GDF1: variants seen among roughly 807,000 people sequenced by gnomAD.
GDF1 encodes the protein growth differentiation factor 1, also known as embryonic growth/differentiation factor 1.
A neutral mutation model predicts 7.4 loss-of-function variants in GDF1; 8 were observed. The ratio of observed to expected loss-of-function variants is 1.09; its 90% CI spans 0.64 to 1.96. GDF1 has a LOEUF of 1.96. Among genes scored for constraint, GDF1 ranks in the 30% most tolerant of loss-of-function variants. The pLI is 0.00. For missense variants in GDF1, 574 were observed against 551.5 expected (o/e 1.04, Z -0.41); for synonymous variants, 311 against 276.7 (o/e 1.12, Z -1.23).
At chr19:18,869,888 C>T (rs1045801330) in intron 7 of GDF1, 95 bp downstream of exon 7, 2 of 1,270,134 alleles carry the variant, frequency 1.6e-6, no homozygotes, top group Non-Finnish European at 2.2e-6. Flanking sequence ...GGTGGGGACC[C>T]TCGGAGCTGC....
chr19:18,878,601 C>T lies in GDF1; in HGVS notation c.-313+329G>A. 2 of 1,141,782 alleles carry T rather than the reference C, an allele frequency of 1.8e-6. No homozygotes were observed. The highest frequency in any genetic ancestry group is 4.5e-5 in the South Asian group (2 of 43,960). The allele number at this position is 1,141,782 out of a possible 1,614,324, so 70.7% of individuals were successfully genotyped here. A position where few individuals can be genotyped will look rare whatever the true frequency, so the allele number is the denominator to read the frequency against. On this transcript the variant is annotated intron_variant, in intron 6 of 7. Transcript: ENST00000247005. This position sits in a 1 kb window ranked among gnomAD's most constrained non-coding sequence, Gnocchi z 4.6. Reference sequence around the variant, plus strand: ...GGTCGTCATCCAGGCTGGCCAGCAACTACTCCTCACCACCCACAGGGCCCT... The same window carrying T: ...GGTCGTCATCCAGGCTGGCCAGCAATTACTCCTCACCACCCACAGGGCCCT...
At position 18,870,215 on chromosome 19, in the gene GDF1, C is replaced by T. The variant is rs1016588989; in HGVS notation, c.93G>A (p.Val31=). The T allele has an allele frequency of 2.6e-6, 4 of 1,555,494 alleles. No homozygotes were observed. The highest frequency in any genetic ancestry group is 2.3e-5 in the East Asian group (1 of 43,136). The change falls in exon 7 of 8, where the codon GTG becomes GTA. Residue 31 remains valine (V), a synonymous_variant. Coordinates refer to ENST00000247005, the MANE Select transcript of GDF1 (RefSeq NM_001492.6). The surrounding 1 kb of genome is among the most constrained non-coding windows in gnomAD (Gnocchi z 5.1). The part of the protein sequence containing the change: ...LPSLPLTRAP[V]PPGPAAALLQ... ...GCAGGGCGGCGGCTGGGCCTGGGGG[C>T]ACGGGGGCGCGGGTCAGGGGCAGCG...
chr19:18,886,460 G>A (rs2056363850), intron 2 of GDF1, among the ~76,000 whole-genome samples: 1 of 152,048 alleles, frequency 6.6e-6, no homozygotes, highest in Non-Finnish European at 1.5e-5. Flanking sequence ...GAGGTGGGAG[G>A]ATCACTTGAG....
chr19:18,885,511 G>GTTTT lies in GDF1; in HGVS notation c.-913-1248_-913-1245dup, dbSNP rs59793456. ...CTCACCCAGCCCAGCGCCCCTTCTCGTTTTTTTTTTTTTTTTTTTTTTTTT... is the reference window on the plus strand; with the variant it reads ...CTCACCCAGCCCAGCGCCCCTTCTCGTTTTTTTTTTTTTTTTTTTTTTTTTTTTT... On this transcript the variant is annotated intron_variant, in intron 2 of 7. Coordinates refer to ENST00000247005, the MANE Select transcript of GDF1 (RefSeq NM_001492.6). Among the ~76,000 whole-genome samples the GTTTT allele has an allele frequency of 8.0e-3, 176 of 22,102 alleles. 10 individuals carry two copies. The highest frequency in any genetic ancestry group is 0.019 in the African/African-American group (168 of 8,688). 14.5% of individuals were successfully genotyped at this position (22,102 alleles called of 152,430 possible).
intron 6 of GDF1, chr19:18,877,955 A>T (rs2056091582): frequency 1.0e-6 from 1 of 983,364 alleles, no homozygotes; most frequent in African/African-American, 1.8e-5. Context: ...TCTACACCCA[A>T]GGCGAATCTG....
chr19:18,892,499 A>G (rs966604655), intron 2 of GDF1, among the ~76,000 whole-genome samples: 1 of 152,006 alleles, frequency 6.6e-6, no homozygotes, highest in Non-Finnish European at 1.5e-5. Context: ...CTGTGGTCCC[A>G]GCTACTCAGG....
rs868299849 is a variant in GDF1, at chr19:18,870,129, G to A, written c.179C>T (p.Pro60Leu). ...QGAPRLRPVP[P>L]VMWRLFRRRD... ...GCGTCGAAACAGGCGCCACATGACCGGGGGAACCGGCCGGAGCCTGGGGGC... is the reference window on the plus strand; with the variant it reads ...GCGTCGAAACAGGCGCCACATGACCAGGGGAACCGGCCGGAGCCTGGGGGC... The change falls in exon 7 of 8, where the codon CCG becomes CTG. Residue 60 changes from proline to leucine, a missense_variant. Pro to Leu is a moderately conservative substitution (Grantham distance 98). Transcript: ENST00000247005. The surrounding 1 kb of genome is among the most constrained non-coding windows in gnomAD (Gnocchi z 5.1). 19 of 1,565,928 alleles carry A rather than the reference G, an allele frequency of 1.2e-5. No individual in the cohort carries two copies. The highest frequency in any genetic ancestry group is 1.5e-5 in the Non-Finnish European group (18 of 1,161,336).
chr19:18,874,630 C>T (rs1011252424), intron 6 of GDF1, among the ~76,000 whole-genome samples: 3 of 152,184 alleles, frequency 2.0e-5, no homozygotes, highest in Non-Finnish European at 4.4e-5. Flanking sequence ...GGACTTTGGA[C>T]AGAGGGGCTG....
chr19:18,880,399 G>C lies in GDF1; in HGVS notation c.-696C>G. On this transcript the variant is annotated 5_prime_UTR_variant, in exon 4 of 8. Transcript: ENST00000247005. ...ACTCAAGCTGCACGTCACTGATATC[G>C]TGCAGGAAGAGCACAAGGATGCCCA... 6.3e-7 allele frequency: 1 copy of C among 1,589,698 alleles called. No individual in the cohort carries two copies. The highest frequency in any genetic ancestry group is 8.6e-7 in the Non-Finnish European group (1 of 1,168,274).
At chr19:18,875,217 CAG>C (rs1326314503) in intron 6 of GDF1, among the ~76,000 whole-genome samples, 1 of 149,060 alleles carries the variant, frequency 6.7e-6, no homozygotes, top group East Asian at 1.9e-4. Flanking sequence ...GCGTGGGCGA[CAG>C]AGTGGGACCG....
chr19:18,868,615 G>T lies in GDF1; in HGVS notation c.1101C>A (p.Asp367Glu). 4 of 1,564,518 alleles carry T rather than the reference G, an allele frequency of 2.6e-6. No homozygotes were observed. The highest frequency in any genetic ancestry group is 3.5e-6 in the Non-Finnish European group (4 of 1,154,688). ...CCCCGGGTTAGCGGCAGCCGCACTC[G>T]TCCACCACCATGTCCTCATACTGCC... ...VLRQYEDMVV[D>E]ECGCR The change falls in exon 8 of 8, where the codon GAC (aspartate) becomes GAA (glutamate). Residue 367 changes from aspartate to glutamate, a missense_variant. Transcript: ENST00000247005.
rs1017458774 is a variant in GDF1, at chr19:18,882,398, C to T, written c.-733+1689G>A. ...CTGTAATCCCAGCACTTTGGGAGGC[C>T]GAGGCAGGTGGATCACTTGAGGTCA... On this transcript the variant is annotated intron_variant, in intron 3 of 7. Transcript: ENST00000247005. Among the ~76,000 whole-genome samples, 7 of 151,470 alleles carry T rather than the reference C, an allele frequency of 4.6e-5. No homozygotes were observed. In the East Asian group the frequency reaches 6.1e-4, roughly 13 times the overall value.
rs578219025 is a variant in GDF1 at position 18,869,398 on chromosome 19, G to A, written c.326-8C>T. The A allele has an allele frequency of 2.8e-4, 430 of 1,528,356 alleles. 1 individual carries two copies. The African/African-American group carries it at 5.2e-3, about 19-fold the overall frequency. 94.7% of individuals were successfully genotyped at this position (1,528,356 alleles called of 1,614,324 possible). A position where few individuals can be genotyped will look rare whatever the true frequency, so the allele number is the denominator to read the frequency against. ...AGGCCCGGGTGGGCGCACCTGGGGAGGTAGGAACAGGAACTCGGCTCGCGC... is the reference window on the plus strand; with the variant it reads ...AGGCCCGGGTGGGCGCACCTGGGGAAGTAGGAACAGGAACTCGGCTCGCGC... On this transcript the variant is annotated splice_polypyrimidine_tract_variant and splice_region_variant and intron_variant, in intron 7 of 7. Coordinates refer to ENST00000247005, the MANE Select transcript of GDF1 (RefSeq NM_001492.6).
At chr19:18,884,659 G>T (rs2056305405) in intron 2 of GDF1, among the ~76,000 whole-genome samples, 1 of 148,776 alleles carries the variant, frequency 6.7e-6, no homozygotes, top group Admixed American at 6.7e-5. Flanking sequence ...CACCTGCCTC[G>T]GCCTCCCAAA....
chr19:18,868,637 TGCCGCA>T lies in GDF1; in HGVS notation c.1073_1078del (p.Leu358_Arg359del). On this transcript the variant is annotated inframe_deletion, in exon 8 of 8. Coordinates refer to ENST00000247005, the MANE Select transcript of GDF1 (RefSeq NM_001492.6). ...CTCGTCCACCACCATGTCCTCATAC[TGCCGCA>T]GCACCACGTTGTCGCTGTTGTCAAA... The T allele has an allele frequency of 6.4e-7, 1 of 1,574,540 alleles. No individual in the cohort carries two copies. The highest frequency in any genetic ancestry group is 8.6e-7 in the Non-Finnish European group (1 of 1,160,210).
Position 18,878,447 on chromosome 19 carries a change from G to A in GDF1, c.-313+483C>T. 1.0e-6 allele frequency: 1 copy of A among 990,662 alleles called. No homozygotes were observed. 61.4% of individuals were successfully genotyped at this position (990,662 alleles called of 1,614,324 possible). ...CCCAGCTCCTGTTTGGCCGGGCAGT[G>A]GGCTCCCCTGTCAAACTCAGAGGCC... is the stretch of plus-strand genomic sequence containing the variant. On this transcript the variant is annotated intron_variant, in intron 6 of 7. Transcript: ENST00000247005. The surrounding 1 kb of genome is among the most constrained non-coding windows in gnomAD (Gnocchi z 4.6).
chr19:18,884,265 A>T lies in GDF1; in HGVS notation c.-911T>A. The T allele has an allele frequency of 6.2e-7, 1 of 1,610,244 alleles. No homozygotes were observed. Among genetic ancestry groups the T allele is most frequent in the Non-Finnish European group, 8.5e-7 (1 of 1,178,788 alleles). On this transcript the variant is annotated splice_region_variant and 5_prime_UTR_variant, in exon 3 of 8. Transcript: ENST00000247005. ...CGTGGCACTGCCATGCCCGGCGTCC[A>T]GTCTGGGGAGAGCCAAATCTCACAG...
intron 2 of GDF1, among the ~76,000 whole-genome samples, chr19:18,891,006 T>C (rs2056477351): frequency 1.3e-5 from 2 of 151,572 alleles, no homozygotes; most frequent in Non-Finnish European, 2.9e-5. Context: ...TGCCTATAAT[T>C]CCAGCTACTT....
chr19:18,893,304 T>A (rs957893905), intron 2 of GDF1, 112 bp downstream of exon 2: 1 of 1,265,570 alleles, frequency 7.9e-7, no homozygotes, highest in Admixed American at 2.4e-5. Context: ...GGCCTCCAAC[T>A]CCTGGGCTCC....
Sources: allele counts gnomAD v4.1 joint callset (sites outside exome capture counted in the v4.1 genomes callset), GRCh38; gene constraint gnomAD v4.1.1; non-coding constraint Gnocchi (gnomAD v3.1); transcripts MANE v1.5; gene names NCBI Gene and HGNC (gene_info 2026-07-23, HGNC 2026-07-21).